FRMD4A: variants seen among roughly 807,000 people sequenced by gnomAD.
The protein encoded by FRMD4A is FERM domain containing 4A.
Under a neutral mutation model 129.1 loss-of-function variants are expected in FRMD4A, and 29 were observed. The observed-to-expected ratio is 0.22, with a 90% CI of 0.17 to 0.31. The LOEUF is 0.31. Ranked by LOEUF, FRMD4A falls within the 10% of genes least tolerant of loss-of-function variation. FRMD4A has a pLI of 1.00. For missense variants in FRMD4A, 1,272 were observed against 1,375.8 expected (o/e 0.92, Z 1.19); for synonymous variants, 634 against 571.6 (o/e 1.11, Z -1.56).
intron 12 of FRMD4A, among the ~76,000 whole-genome samples, chr10:13,734,021 C>A (rs1277353962): frequency 2.0e-5 from 3 of 152,198 alleles, no homozygotes; most frequent in Non-Finnish European, 4.4e-5. Flanking sequence ...TCCCATCAAG[C>A]CTGCCGCGTT....
chr10:14,254,472 C>G (rs531367433), intron 2 of FRMD4A, among the ~76,000 whole-genome samples: 13 of 152,282 alleles, frequency 8.5e-5, no homozygotes, highest in African/African-American at 3.1e-4. Context: ...GGCTCTTCCT[C>G]ACCAGCACAA....
At chr10:14,241,718 A>T (rs1014106302) in intron 2 of FRMD4A, among the ~76,000 whole-genome samples, 2 of 118,822 alleles carry the variant, frequency 1.7e-5, no homozygotes, top group Admixed American at 1.9e-4. Flanking sequence ...AAAAAAAAAA[A>T]AAAGAGCCAA....
chr10:13,711,766 G>T (rs2088045463), intron 12 of FRMD4A, among the ~76,000 whole-genome samples: 1 of 152,172 alleles, frequency 6.6e-6, no homozygotes, highest in South Asian at 2.1e-4. Flanking sequence ...CCCTCAAGAA[G>T]ATCAAGTGGG....
intron 2 of FRMD4A, among the ~76,000 whole-genome samples, chr10:14,279,516 C>G (rs1183402055): frequency 1.3e-5 from 2 of 152,002 alleles, no homozygotes; most frequent in African/African-American, 2.4e-5. Flanking sequence ...AGACTTTTTT[C>G]AACTTTCATA....
intron 13 of FRMD4A, among the ~76,000 whole-genome samples, chr10:13,701,844 A>G (rs1264063320): frequency 1.3e-5 from 2 of 152,196 alleles, no homozygotes; most frequent in Non-Finnish European, 1.5e-5. Flanking sequence ...GATGCTCCCT[A>G]TGAGACAGGA....
At chr10:14,045,230 C>G (rs544409813) in intron 2 of FRMD4A, among the ~76,000 whole-genome samples, 6,288 of 152,270 alleles carry the variant, frequency 0.041, 179 homozygotes, top group Non-Finnish European at 0.06. Context: ...ATGTGACTTA[C>G]ACTGTAGCCT....
intron 2 of FRMD4A, among the ~76,000 whole-genome samples, chr10:14,128,050 T>TTCTTTCTTTCTC (rs1839009605): frequency 5.8e-5 from 1 of 17,162 alleles, no homozygotes; most frequent in African/African-American, 2.7e-4. Flanking sequence ...CTTTCCCTCT[T>TTCTTTCTTTCTC]TCTTTCTTTC....
chr10:13,657,328 G>T lies in FRMD4A; in HGVS notation c.2261C>A (p.Ser754Ter). Residue 754 changes from serine to a stop codon, truncating the protein, a stop_gained, in exon 22 of 25, where the codon TCG (serine) becomes TAG (stop). Coordinates refer to ENST00000357447, the MANE Select transcript of FRMD4A (RefSeq NM_018027.5). LOFTEE classifies it high-confidence loss of function. Reference protein sequence around the residue: ...MDDCSSCTSHSSSEHYYPAQM... With the variant: ...MDDCSSCTSH The stretch of plus-strand genomic sequence containing the variant: ...CGCCGGGTAGTAGTGCTCCGAGCTC[G>T]AGTGGCTGGTGCACGACGAGCAGTC... The T allele has an allele frequency of 6.2e-7, 1 of 1,609,342 alleles. No individual in the cohort carries two copies. The highest frequency in any genetic ancestry group is 8.5e-7 in the Non-Finnish European group (1 of 1,179,068).
chr10:14,324,978 G>A (rs1019360695), intron 2 of FRMD4A, among the ~76,000 whole-genome samples: 9 of 152,106 alleles, frequency 5.9e-5, no homozygotes, highest in South Asian at 2.1e-4. Context: ...AAATTTTATC[G>A]CAAATTATCT....
chr10:13,666,970 G>A (rs986385411), intron 17 of FRMD4A, among the ~76,000 whole-genome samples: 1 of 143,848 alleles, frequency 7.0e-6, no homozygotes, highest in African/African-American at 2.6e-5. Flanking sequence ...GGAGTGCACT[G>A]GTGCAATCTC....
chr10:13,720,693 G>T (rs1181198945), intron 12 of FRMD4A, among the ~76,000 whole-genome samples: 1 of 152,216 alleles, frequency 6.6e-6, no homozygotes, highest in Non-Finnish European at 1.5e-5. Context: ...CTGTTAACAA[G>T]GTAGCCAGGG....
chr10:13,740,513 T>G lies in FRMD4A; in HGVS notation c.613A>C (p.Asn205His). 2.6e-6 allele frequency: 4 copies of G among 1,563,990 alleles called. No homozygotes were observed. Among genetic ancestry groups the G allele is most frequent in the Non-Finnish European group, 2.6e-6 (3 of 1,136,328 alleles). ...GTGAGCTGGGAAGGGGCCACTTACT[T>G]TACGATTGCTTGACCTCTTGTCTGA... The part of the protein sequence containing the change: ...NGQTRGQAIV[N>H]YMSIVESLPT... Residue 205 changes from asparagine (N) to histidine (H), a missense_variant and splice_region_variant, in exon 10 of 25, where the codon AAC becomes CAC. This residue lies in a region of FRMD4A where 300 missense variants were observed against 483.6 expected (regional missense o/e 0.62). Transcript: ENST00000357447.
chr10:14,042,064 C>G (rs1000597453), intron 2 of FRMD4A, among the ~76,000 whole-genome samples: 1 of 152,192 alleles, frequency 6.6e-6, no homozygotes, highest in African/African-American at 2.4e-5. Context: ...TAGGAATAAA[C>G]AGAAACTTCT....
intron 2 of FRMD4A, among the ~76,000 whole-genome samples, chr10:14,022,673 C>T (rs1167843926): frequency 6.6e-6 from 1 of 152,004 alleles, no homozygotes; most frequent in Non-Finnish European, 1.5e-5. Flanking sequence ...GAAGTGCTGG[C>T]TGTGGGAGGA....
chr10:14,247,495 C>T (rs377124574), intron 2 of FRMD4A, among the ~76,000 whole-genome samples: 2 of 149,360 alleles, frequency 1.3e-5, no homozygotes, highest in African/African-American at 4.9e-5. Context: ...ACAGATAGGC[C>T]TCTCTCTCTC....
Position 13,667,207 on chromosome 10 carries a change from C to T in FRMD4A, c.1375-882G>A, listed in dbSNP as rs940078627. On this transcript the variant is annotated intron_variant, in intron 17 of 24. Coordinates refer to ENST00000357447, the MANE Select transcript of FRMD4A (RefSeq NM_018027.5). ...GATTACAGGTGTGAGCCACCATGCC[C>T]GGCCATGGGAGCTCATTTTGCAAGC... Among the ~76,000 whole-genome samples, 8 of 152,148 alleles carry T rather than the reference C, an allele frequency of 5.3e-5. 1 individual carries two copies. The highest frequency in any genetic ancestry group is 2.6e-4 in the Admixed American group (4 of 15,278).
At chr10:14,049,509 C>T (rs1024974694) in intron 2 of FRMD4A, among the ~76,000 whole-genome samples, 2 of 152,194 alleles carry the variant, frequency 1.3e-5, no homozygotes, top group Non-Finnish European at 2.9e-5. Context: ...CTGTGTCCTT[C>T]CATAGCTGCA....
chr10:14,205,674 G>T (rs1017770198), intron 2 of FRMD4A, among the ~76,000 whole-genome samples: 3 of 152,006 alleles, frequency 2.0e-5, no homozygotes, highest in Non-Finnish European at 2.9e-5. Context: ...GGGTGTGGTG[G>T]CAGGCACCTG....
chr10:13,859,602 C>T (rs949736188), intron 2 of FRMD4A, among the ~76,000 whole-genome samples: 1 of 152,012 alleles, frequency 6.6e-6, no homozygotes, highest in Non-Finnish European at 1.5e-5. Flanking sequence ...TAATTGTACC[C>T]GCATGCATTA....
Sources: allele counts gnomAD v4.1 joint callset (sites outside exome capture counted in the v4.1 genomes callset), GRCh38; gene constraint gnomAD v4.1.1; regional missense constraint gnomAD v4.1.1; transcripts MANE v1.5; gene names NCBI Gene and HGNC (gene_info 2026-07-23, HGNC 2026-07-21).